The following AGO3 variants were observed in gnomAD, a reference collection of about 807,000 sequenced individuals.
The protein encoded by AGO3 is argonaute RISC catalytic component 3.
In AGO3, 16 loss-of-function variants were observed where a neutral mutation model predicts 105.5. The ratio of observed to expected loss-of-function variants is 0.15; its 90% CI spans 0.10 to 0.23. The LOEUF (loss-of-function observed/expected upper bound fraction) is 0.23, where lower values mean the gene tolerates loss of function less well. AGO3 is among the 10% of genes least tolerant of loss of function. AGO3 has a pLI of 1.00. For synonymous variants in AGO3, 340 were observed against 367.3 expected, an observed-to-expected ratio of 0.93 and a Z score of 0.85; for missense variants, 534 against 1,088.0, an observed-to-expected ratio of 0.49 and a Z score of 7.16.
At chr1:36,050,136 A>G (rs1307962126) in intron 17 of AGO3, among the ~76,000 whole-genome samples, 1 of 152,242 alleles carries the variant, frequency 6.6e-6, no homozygotes, top group African/African-American at 2.4e-5. Context: ...AGCACATGGA[A>G]CATTCACCAG....
rs1473243407 is a variant in AGO3 at position 36,065,586 on chromosome 1, A to C, written c.*9841A>C. 6.6e-6 allele frequency: 1 copy of C among 151,934 alleles called. No individual in the cohort carries two copies. The highest frequency in any genetic ancestry group is 1.5e-5 in the Non-Finnish European group (1 of 68,060). The allele number at this position is 151,934 out of a possible 1,614,324, so 9.4% of individuals were successfully genotyped here. On this transcript the variant is annotated 3_prime_UTR_variant, in exon 19 of 19. Transcript: ENST00000373191. ...TTGCACCGCTGCACTCCAGCCTGGC[A>C]ACAGAGCAAGACTCCATCTCAAAAC...
intron 17 of AGO3, among the ~76,000 whole-genome samples, chr1:36,053,419 A>G (rs138077169): frequency 0.015 from 2,328 of 151,816 alleles, 49 homozygotes; most frequent in African/African-American, 0.053. Flanking sequence ...TAGCTGGACT[A>G]CAGGCACATG....
intron 1 of AGO3, 26 bp from the exon 2 acceptor site, chr1:35,945,666 C>CTTTTTTTTT: frequency 2.5e-6 from 4 of 1,585,112 alleles, no homozygotes; most frequent in Middle Eastern, 2.3e-4. Flanking sequence ...AACTGTGACT[C>CTTTTTTTTT]TTTTTTTTTC....
chr1:35,994,157 C>T (rs1004015441), intron 5 of AGO3, among the ~76,000 whole-genome samples: 4 of 147,148 alleles, frequency 2.7e-5, no homozygotes, highest in Admixed American at 2.1e-4. Flanking sequence ...CTATGCTGCT[C>T]AGGCTGGTCT....
intron 6 of AGO3, chr1:36,006,008 A>G: frequency 4.8e-6 from 3 of 627,122 alleles, no homozygotes; most frequent in Non-Finnish European, 6.0e-6. Context: ...TTTTGGTCTA[A>G]TTCTTAGGTA....
chr1:36,036,424 G>C (rs115896412), intron 14 of AGO3, among the ~76,000 whole-genome samples, 157 bp downstream of exon 14: 2,313 of 152,272 alleles, frequency 0.015, 48 homozygotes, highest in African/African-American at 0.053. Context: ...TTGGAGTTTG[G>C]AAGTTCCATA....
intron 2 of AGO3, among the ~76,000 whole-genome samples, chr1:35,965,261 G>A (rs1400915225): frequency 1.3e-5 from 2 of 151,996 alleles, no homozygotes; most frequent in Admixed American, 6.6e-5. Flanking sequence ...GGAGGCCGAG[G>A]CGGGCGGATC....
intron 12 of AGO3, among the ~76,000 whole-genome samples, chr1:36,033,234 G>T (rs2148841606): frequency 6.6e-6 from 1 of 152,222 alleles, no homozygotes; most frequent in South Asian, 2.1e-4. Context: ...CTACTCGGGA[G>T]GCTGAGGTAG....
Position 35,993,479 on chromosome 1 carries a change from G to T in AGO3, c.659-10862G>T, listed in dbSNP as rs72661651. ...AGAATTGAAAGATTAATAAGGGAAT[G>T]GTATGAACAACTTTATGCCAATTAA... is the stretch of plus-strand genomic sequence containing the variant. On this transcript the variant is annotated intron_variant, in intron 5 of 18. Coordinates refer to ENST00000373191, the MANE Select transcript of AGO3 (RefSeq NM_024852.4). Among the ~76,000 whole-genome samples the T allele has an allele frequency of 1.2e-4, 19 of 152,112 alleles. No individual in the cohort carries two copies. The East Asian group carries it at 3.3e-3, about 26-fold the overall frequency.
intron 5 of AGO3, among the ~76,000 whole-genome samples, chr1:35,988,171 A>G (rs1399497738): frequency 6.6e-6 from 1 of 152,202 alleles, no homozygotes; most frequent in African/African-American, 2.4e-5. Flanking sequence ...GTATTCAGGT[A>G]TGATTAACAA....
chr1:35,948,368 C>T (rs1646407206), intron 2 of AGO3, among the ~76,000 whole-genome samples: 1 of 151,952 alleles, frequency 6.6e-6, no homozygotes, highest in African/African-American at 2.4e-5. Flanking sequence ...TAGGCACCTG[C>T]CACCATGACC....
intron 5 of AGO3, among the ~76,000 whole-genome samples, chr1:36,003,709 AAT>A (rs1235994406): frequency 0.031 from 3,061 of 98,860 alleles, 95 homozygotes; most frequent in East Asian, 0.048. Flanking sequence ...AAAAAAAAAA[AAT>A]ATATATATAT....
chr1:35,988,646 G>A (rs981773838), intron 5 of AGO3, among the ~76,000 whole-genome samples: 2 of 151,906 alleles, frequency 1.3e-5, no homozygotes, highest in African/African-American at 4.8e-5. Context: ...TCCATTTTAT[G>A]TATATACCAC....
At chr1:35,938,698 G>C (rs914900701) in intron 1 of AGO3, among the ~76,000 whole-genome samples, 3 of 152,054 alleles carry the variant, frequency 2.0e-5, no homozygotes, top group African/African-American at 7.2e-5. Context: ...TTGTATACTG[G>C]TCCAGTGCTT....
In AGO3 at chr1:36,013,623, T is replaced by C. The variant is rs192374167; in HGVS notation, c.1150-7T>C. 218 of 1,612,900 alleles carry C rather than the reference T, an allele frequency of 1.4e-4. No homozygotes were observed. The African/African-American group carries it at 2.5e-3, about 18-fold the overall frequency. ...TGAGAGTAACTACAAACTTTTTCTA[T>C]TTTTAGGTAAGAAGTGCAAATTATG... is the stretch of plus-strand genomic sequence containing the variant. On this transcript the variant is annotated splice_polypyrimidine_tract_variant and splice_region_variant and intron_variant, in intron 9 of 18. Transcript: ENST00000373191.
At chr1:35,966,705 G>C (rs1413148552) in intron 2 of AGO3, among the ~76,000 whole-genome samples, 2 of 152,182 alleles carry the variant, frequency 1.3e-5, no homozygotes, top group Non-Finnish European at 2.9e-5. Flanking sequence ...TTGCAGGTCA[G>C]ATGTATCCTG....
intron 2 of AGO3, among the ~76,000 whole-genome samples, chr1:35,949,833 A>T (rs962728270): frequency 6.6e-6 from 1 of 152,194 alleles, no homozygotes; most frequent in Non-Finnish European, 1.5e-5. Flanking sequence ...TATGTTGCCC[A>T]GGCTGGTTTT....
At chr1:36,041,229 T>C (rs1034115841) in intron 16 of AGO3, among the ~76,000 whole-genome samples, 1 of 149,516 alleles carries the variant, frequency 6.7e-6, no homozygotes, top group African/African-American at 2.5e-5. Context: ...TAAGGAAATA[T>C]GTTTTCTTTT....
chr1:36,063,422 A>G lies in AGO3; in HGVS notation c.*7677A>G, dbSNP rs1183499678. 1.3e-5 allele frequency: 2 copies of G among 152,148 alleles called. No individual in the cohort carries two copies. The highest frequency in any genetic ancestry group is 2.9e-5 in the Non-Finnish European group (2 of 68,026). The allele number at this position is 152,148 out of a possible 1,614,324, so 9.4% of individuals were successfully genotyped here. A position where few individuals can be genotyped will look rare whatever the true frequency, so the allele number is the denominator to read the frequency against. ...TTAAATGGTCACATTTTTCAGCATT[A>G]GGATTAAGATACCATTTTTGTAGGC... is the stretch of plus-strand genomic sequence containing the variant. On this transcript the variant is annotated 3_prime_UTR_variant, in exon 19 of 19. Transcript: ENST00000373191.
Sources: allele counts gnomAD v4.1 joint callset (sites outside exome capture counted in the v4.1 genomes callset), GRCh38; gene constraint gnomAD v4.1.1; transcripts MANE v1.5; gene names NCBI Gene and HGNC (gene_info 2026-07-23, HGNC 2026-07-21).